L3HYPDH: variants seen among roughly 807,000 people sequenced by gnomAD.
L3HYPDH encodes the protein trans-3-hydroxy-L-proline dehydratase.
In L3HYPDH, 32 loss-of-function variants were observed where a neutral mutation model predicts 26.5. The ratio of observed to expected loss-of-function variants is 1.21; its 90% CI spans 0.91 to 1.62. The LOEUF is 1.62. Ranked by LOEUF, L3HYPDH falls within the 40% of genes most tolerant of loss-of-function variation. The pLI is 0.00. For missense variants in L3HYPDH, 554 were observed against 476.4 expected, an observed-to-expected ratio of 1.16 and a Z score of -1.52; for synonymous variants, 215 against 196.6, an observed-to-expected ratio of 1.09 and a Z score of -0.78.
the L3HYPDH span, among the ~76,000 whole-genome samples, chr14:59,497,706 G>T: frequency 6.6e-6 from 1 of 152,082 alleles, no homozygotes; most frequent in African/African-American, 2.4e-5. Flanking sequence ...GATGTTGTTT[G>T]GGGGTGGTAT....
Position 59,483,923 on chromosome 14 carries a change from G to A in L3HYPDH, c.394C>T (p.Arg132Cys). Residue 132 changes from arginine to cysteine, a missense_variant, in exon 1 of 5, where the codon CGC (arginine) becomes TGC (cysteine). Arg to Cys is a radical substitution (Grantham distance 180). Transcript: ENST00000247194. The stretch of plus-strand genomic sequence containing the variant: ...CCGCAGGGGCAGTGGATATTGACGC[G>A]GGCCTCGCGGGTGCCCGCAGGGGGC... ...PAPPAGTREA[R>C]VNIHCPCGLV... The A allele has an allele frequency of 6.4e-7, 1 of 1,554,394 alleles. No homozygotes were observed. Among genetic ancestry groups the A allele is most frequent in the Non-Finnish European group, 8.7e-7 (1 of 1,155,670 alleles).
At chr14:59,495,187 A>T in the L3HYPDH span, 5 of 1,613,232 alleles carry the variant, frequency 3.1e-6, no homozygotes, top group African/African-American at 6.7e-5. Flanking sequence ...AGATTACGTT[A>T]CCACAGTACA....
At chr14:59,500,344 T>C in the L3HYPDH span, among the ~76,000 whole-genome samples, 1 of 152,358 alleles carries the variant, frequency 6.6e-6, no homozygotes, top group African/African-American at 2.4e-5. Context: ...ATAAGTAGTT[T>C]CATAAACTGA....
the L3HYPDH span, among the ~76,000 whole-genome samples, chr14:59,489,829 G>C: frequency 6.6e-6 from 1 of 152,312 alleles, no homozygotes; most frequent in South Asian, 2.1e-4. Flanking sequence ...ACCAGTGTGA[G>C]AGGAGGCAGG....
intron 2 of L3HYPDH, among the ~76,000 whole-genome samples, chr14:59,476,866 G>A (rs945053415): frequency 5.3e-5 from 8 of 152,150 alleles, no homozygotes; most frequent in African/African-American, 1.9e-4. Context: ...GTAGATTCAG[G>A]CCCAAATATG....
At chr14:59,489,294 T>A (rs1890813633), upstream of L3HYPDH, among the ~76,000 whole-genome samples, 1 of 152,266 alleles carries the variant, frequency 6.6e-6, no homozygotes, top group African/African-American at 2.4e-5. Flanking sequence ...TGTTGCTTAA[T>A]GATTTCTTCC....
rs565247757 is a variant in L3HYPDH, at chr14:59,466,280, AG to A, written n.31-5108del. ...TGGCAATCACCACAGATGCAGCTCC[AG>A]GTACCTGGCTGGGAGATACGGGGAA... On this transcript the variant is annotated intron_variant and non_coding_transcript_variant, in intron 1 of 2. Transcript: ENST00000466522. Among the ~76,000 whole-genome samples, 94 of 152,354 alleles carry A rather than the reference AG, an allele frequency of 6.2e-4. 1 individual carries two copies. The East Asian group carries it at 0.016, about 26-fold the overall frequency.
chr14:59,474,334 A>G (rs1889476864), intron 4 of L3HYPDH: 1 of 545,794 alleles, frequency 1.8e-6, no homozygotes, highest in Admixed American at 3.5e-5. Flanking sequence ...AAATTAGCTT[A>G]AAAGCAGCTT....
At chr14:59,487,595 G>A, upstream of L3HYPDH, 1 of 1,041,418 alleles carries the variant, frequency 9.6e-7, no homozygotes, top group Non-Finnish European at 1.5e-6. Flanking sequence ...GAAATGGGAT[G>A]TCTTATAGAA....
intron 1 of L3HYPDH, among the ~76,000 whole-genome samples, chr14:59,482,981 GT>G: frequency 6.6e-6 from 1 of 152,178 alleles, no homozygotes; most frequent in Admixed American, 6.5e-5. Flanking sequence ...TCCTGTAAGG[GT>G]TATGGTTATA....
chr14:59,493,345 G>A, the L3HYPDH span, among the ~76,000 whole-genome samples: 1 of 152,212 alleles, frequency 6.6e-6, no homozygotes, highest in African/African-American at 2.4e-5. Context: ...CTGCAGCCAT[G>A]TGAGTTAGTC....
chr14:59,476,677 A>G (rs1026383177), intron 2 of L3HYPDH, among the ~76,000 whole-genome samples: 4 of 152,366 alleles, frequency 2.6e-5, no homozygotes, highest in South Asian at 4.1e-4. Flanking sequence ...CACCAATGAT[A>G]GAGACAAAGG....
downstream of L3HYPDH, among the ~76,000 whole-genome samples, chr14:59,469,778 G>A (rs543531234): frequency 3.7e-4 from 56 of 152,192 alleles, no homozygotes; most frequent in South Asian, 0.011. Context: ...AGTCTAGGGG[G>A]AAAATGATCT....
chr14:59,489,876 G>A, the L3HYPDH span, among the ~76,000 whole-genome samples: 2 of 106,898 alleles, frequency 1.9e-5, no homozygotes, highest in African/African-American at 1.1e-4. Context: ...GGGGGAGGAG[G>A]TACCTCTTTC....
In L3HYPDH at chr14:59,472,961, G is replaced by T. The variant is rs200500677; in HGVS notation, c.*4C>A. 194 of 1,582,528 alleles carry T rather than the reference G, an allele frequency of 1.2e-4. No homozygotes were observed. In the Admixed American group the frequency reaches 1.4e-3, roughly 11 times the overall value. On this transcript the variant is annotated 3_prime_UTR_variant, in exon 5 of 5. Coordinates refer to ENST00000247194, the MANE Select transcript of L3HYPDH (RefSeq NM_144581.2). Reference sequence around the variant, plus strand: ...AAAGAAAGCCCTTAAAATCATGGAAGAAGTCACTTGAGAAGAAATCCATCC... The same window carrying T: ...AAAGAAAGCCCTTAAAATCATGGAATAAGTCACTTGAGAAGAAATCCATCC...
In L3HYPDH at chr14:59,483,983, C is replaced by T; in HGVS notation, c.334G>A (p.Gly112Ser). Residue 112 changes from glycine to serine, a missense_variant, in exon 1 of 5, where the codon GGC becomes AGC. Transcript: ENST00000247194. ...AGCCCGAAGTCCAAAGCGAAGCGGC[C>T]CAGCGCCAGCACTGCGTGGCCGCAC... ...SMCGHAVLAL[G>S]RFALDFGLVP... 6.3e-7 allele frequency: 1 copy of T among 1,583,838 alleles called. No individual in the cohort carries two copies.
the L3HYPDH span, among the ~76,000 whole-genome samples, chr14:59,492,884 G>A: frequency 1.3e-4 from 20 of 148,492 alleles, 1 homozygote; most frequent in Admixed American, 1.1e-3. Flanking sequence ...TGCAAGCTTC[G>A]CCTCCCAGGT....
At chr14:59,488,531 G>T (rs756152044), upstream of L3HYPDH, among the ~76,000 whole-genome samples, 1 of 152,172 alleles carries the variant, frequency 6.6e-6, no homozygotes, top group African/African-American at 2.4e-5. Context: ...TATGTGATCT[G>T]TGGTAGGCAG....
At chr14:59,480,744 A>G (rs1889959178) in intron 1 of L3HYPDH, among the ~76,000 whole-genome samples, 1 of 152,240 alleles carries the variant, frequency 6.6e-6, no homozygotes, top group South Asian at 2.1e-4. Flanking sequence ...CAAGTTTATA[A>G]TCAAAAGAGT....
Sources: gnomAD v4.1 joint callset for allele counts (sites outside exome capture counted in the v4.1 genomes callset) on GRCh38, gnomAD v4.1.1 for gene constraint, MANE v1.5 for transcripts, NCBI Gene and HGNC (gene_info 2026-07-23, HGNC 2026-07-21) for gene names.